The following CEP55 variants were observed in gnomAD, a reference collection of about 807,000 sequenced individuals.
CEP55 encodes the protein centrosomal protein of 55 kDa.
In CEP55, 57 loss-of-function variants were observed where a neutral mutation model predicts 63.2. That is an observed-to-expected ratio of 0.90 (90% CI 0.73 to 1.13). The LOEUF is 1.13. CEP55 is among the 50% of genes most tolerant of loss of function. The pLI, the probability that CEP55 is intolerant of heterozygous loss-of-function variation, is 0.00. For missense variants in CEP55, 456 were observed against 518.9 expected, an observed-to-expected ratio of 0.88 and a Z score of 1.18; for synonymous variants, 178 against 191.6, an observed-to-expected ratio of 0.93 and a Z score of 0.59.
At chr10:93,525,593 G>C (rs1461780489) in intron 8 of CEP55, among the ~76,000 whole-genome samples, 1 of 151,780 alleles carries the variant, frequency 6.6e-6, no homozygotes, top group African/African-American at 2.4e-5. Context: ...CTACTTTAAA[G>C]TTCATATGGA....
intron 8 of CEP55, among the ~76,000 whole-genome samples, chr10:93,525,156 G>C (rs1405873610): frequency 1.3e-5 from 2 of 152,040 alleles, no homozygotes; most frequent in South Asian, 2.1e-4. Flanking sequence ...AATTGTCCCT[G>C]TTTGCAGATG....
chr10:93,505,754 C>G (rs746706163), intron 3 of CEP55, among the ~76,000 whole-genome samples: 14 of 152,056 alleles, frequency 9.2e-5, no homozygotes, highest in Non-Finnish European at 1.0e-4. Flanking sequence ...ACCTAGCCAC[C>G]CACTTCTCTT....
intron 8 of CEP55, chr10:93,520,426 C>CAA (rs10693521): frequency 0.68 from 76,686 of 113,142 alleles, 25,912 homozygotes; most frequent in Non-Finnish European, 0.77. Flanking sequence ...GACTCTGTCT[C>CAA]AAAAAAAAAA....
chr10:93,502,746 T>C (rs969968987), intron 2 of CEP55, among the ~76,000 whole-genome samples: 1 of 152,238 alleles, frequency 6.6e-6, no homozygotes, highest in Non-Finnish European at 1.5e-5. Flanking sequence ...GACCGACTTT[T>C]AGCTCTTAGT....
intron 4 of CEP55, among the ~76,000 whole-genome samples, chr10:93,508,764 C>T (rs2057713107): frequency 6.6e-6 from 1 of 152,132 alleles, no homozygotes; most frequent in African/African-American, 2.4e-5. Context: ...ATGCCACTTT[C>T]TTGGGGTTGG....
intron 2 of CEP55, among the ~76,000 whole-genome samples, chr10:93,502,614 C>T (rs751209883): frequency 2.1e-4 from 32 of 152,150 alleles, no homozygotes; most frequent in Non-Finnish European, 4.3e-4. Flanking sequence ...CTTCTAGATT[C>T]AATACTGAAT....
intron 3 of CEP55, among the ~76,000 whole-genome samples, chr10:93,504,173 A>C (rs1280013064): frequency 6.6e-6 from 1 of 152,132 alleles, no homozygotes; most frequent in Non-Finnish European, 1.5e-5. Context: ...AATAATACTA[A>C]CATTAATATC....
intron 3 of CEP55, among the ~76,000 whole-genome samples, chr10:93,505,050 G>C (rs547859226): frequency 6.6e-6 from 1 of 151,918 alleles, no homozygotes; most frequent in Non-Finnish European, 1.5e-5. Context: ...TACCTCAGGT[G>C]ATCCGCCTGC....
intron 8 of CEP55, among the ~76,000 whole-genome samples, chr10:93,520,779 C>T (rs563309595): frequency 1.3e-5 from 2 of 151,548 alleles, no homozygotes; most frequent in East Asian, 3.9e-4. Flanking sequence ...GAAAAAAAAA[C>T]AATGATAAAA....
At chr10:93,526,153 C>G (rs1298369415) in intron 8 of CEP55, among the ~76,000 whole-genome samples, 1 of 152,134 alleles carries the variant, frequency 6.6e-6, no homozygotes, top group East Asian at 1.9e-4. Flanking sequence ...AACAGGCATC[C>G]TACAGAATGG....
chr10:93,509,891 G>A (rs2057726832), intron 4 of CEP55, among the ~76,000 whole-genome samples: 1 of 152,202 alleles, frequency 6.6e-6, no homozygotes. Flanking sequence ...AGGACTTAGG[G>A]AACATGGAAA....
chr10:93,514,109 A>G (rs1464957725), intron 4 of CEP55, among the ~76,000 whole-genome samples: 2 of 152,094 alleles, frequency 1.3e-5, no homozygotes, highest in African/African-American at 2.4e-5. Context: ...ATGCCCGGCT[A>G]AAAAATAGAG....
In CEP55 at chr10:93,512,795, G is replaced by A. The variant is rs141975593; in HGVS notation, c.529-2610G>A. 4.9e-3 allele frequency among the ~76,000 whole-genome samples: 743 copies of A among 152,232 alleles called. 9 individuals are homozygous for A. The highest frequency in any genetic ancestry group is 0.017 in the African/African-American group (712 of 41,522). On this transcript the variant is annotated intron_variant, in intron 4 of 8. Transcript: ENST00000371485. ...GGTTCTGAGTAAGAACCTCACTGGG[G>A]ATGGCAGTGGAGCTGAATAAGAGAG...
At chr10:93,510,453 C>T (rs761646406) in intron 4 of CEP55, 1 of 152,166 alleles carries the variant, frequency 6.6e-6, no homozygotes, top group African/African-American at 2.4e-5. Context: ...TAACATGTTA[C>T]CCCATTTTGC....
chr10:93,510,435 A>G (rs987631367), intron 4 of CEP55: 2 of 152,188 alleles, frequency 1.3e-5, no homozygotes, highest in Non-Finnish European at 1.5e-5. Flanking sequence ...CTAAAATTCA[A>G]CCGTTGTTAA....
intron 8 of CEP55, among the ~76,000 whole-genome samples, chr10:93,523,029 A>G (rs929055177): frequency 6.6e-6 from 1 of 152,240 alleles, no homozygotes; most frequent in Non-Finnish European, 1.5e-5. Context: ...AACTGCATCA[A>G]GTAAAGAGCA....
chr10:93,515,019 A>AC (rs1321880569), intron 4 of CEP55, among the ~76,000 whole-genome samples: 2 of 151,834 alleles, frequency 1.3e-5, no homozygotes, highest in African/African-American at 4.8e-5. Flanking sequence ...GTGATCCACC[A>AC]CCCTCGGCCT....
intron 4 of CEP55, among the ~76,000 whole-genome samples, chr10:93,514,979 G>T (rs150115865): frequency 2.6e-5 from 4 of 152,020 alleles, no homozygotes; most frequent in Non-Finnish European, 4.4e-5. Flanking sequence ...CACCATGTTG[G>T]CCAGGCTGGT....
Position 93,515,535 on chromosome 10 carries a change from C to CA in CEP55, c.665dup (p.Pro223AlafsTer2), listed in dbSNP as rs2057795180. Reference sequence around the variant, plus strand: ...GCTGCTCATTCACTCCCACAGCAGACAAAAAAGCCTGAATCAGAAGGTACT... The same window carrying CA: ...GCTGCTCATTCACTCCCACAGCAGACAAAAAAAGCCTGAATCAGAAGGTACT... On this transcript the variant is annotated frameshift_variant, in exon 5 of 9. Transcript: ENST00000371485. LOFTEE classifies it high-confidence loss of function. The CA allele has an allele frequency of 6.2e-7, 1 of 1,611,442 alleles. No individual in the cohort carries two copies. The highest frequency in any genetic ancestry group is 8.5e-7 in the Non-Finnish European group (1 of 1,178,440).
Sources: gnomAD v4.1 joint callset for allele counts (sites outside exome capture counted in the v4.1 genomes callset) on GRCh38, gnomAD v4.1.1 for gene constraint, MANE v1.5 for transcripts, NCBI Gene and HGNC (gene_info 2026-07-23, HGNC 2026-07-21) for gene names.